The following L3MBTL3 variants were observed in gnomAD, a reference collection of about 807,000 sequenced individuals.
L3MBTL3 encodes the protein lethal(3)malignant brain tumor-like protein 3.
Under a neutral mutation model 102.3 loss-of-function variants are expected in L3MBTL3, and 27 were observed. The observed-to-expected ratio is 0.26, with a 90% CI of 0.19 to 0.36. L3MBTL3 has a LOEUF of 0.36. L3MBTL3 is among the 10% of genes least tolerant of loss of function. L3MBTL3 has a pLI of 1.00. For synonymous variants in L3MBTL3, 340 were observed against 320.9 expected (o/e 1.06, Z -0.64); for missense variants, 798 against 955.3 (o/e 0.84, Z 2.17).
chr6:130,121,506 T>A (rs1786196249), intron 20 of L3MBTL3, among the ~76,000 whole-genome samples: 1 of 152,228 alleles, frequency 6.6e-6, no homozygotes, highest in African/African-American at 2.4e-5. Flanking sequence ...ATATAGTATG[T>A]AATTTTTTAT....
chr6:130,051,535 T>C, intron 6 of L3MBTL3, 127 bp downstream of exon 6: 1 of 836,566 alleles, frequency 1.2e-6, no homozygotes, highest in South Asian at 1.8e-5. Context: ...CAGAGACTTT[T>C]CCTTTAGGGC....
intron 12 of L3MBTL3, among the ~76,000 whole-genome samples, chr6:130,070,124 T>C (rs1442773941): frequency 3.3e-5 from 5 of 152,186 alleles, no homozygotes; most frequent in Non-Finnish European, 5.9e-5. Context: ...TTGTTTTGTT[T>C]TGTTTTGTTT....
intron 13 of L3MBTL3, among the ~76,000 whole-genome samples, chr6:130,077,953 G>A (rs1783064802): frequency 6.6e-6 from 1 of 152,112 alleles, no homozygotes; most frequent in South Asian, 2.1e-4. Context: ...AGTATGACTA[G>A]GAGCAAGGAA....
chr6:130,087,227 G>A (rs1783743092), intron 16 of L3MBTL3, among the ~76,000 whole-genome samples: 1 of 152,006 alleles, frequency 6.6e-6, no homozygotes, highest in Non-Finnish European at 1.5e-5. Context: ...CTATAGAATA[G>A]AAATTTTAAC....
At position 130,139,875 on chromosome 6, in the gene L3MBTL3, G is replaced by T; in HGVS notation, c.*122G>T. 1.2e-6 allele frequency: 1 copy of T among 840,964 alleles called. No individual in the cohort carries two copies. Among genetic ancestry groups the T allele is most frequent in the Non-Finnish European group, 1.9e-6 (1 of 533,674 alleles). The allele number at this position is 840,964 out of a possible 1,614,324, so 52.1% of individuals were successfully genotyped here. On this transcript the variant is annotated 3_prime_UTR_variant, in exon 23 of 23. Transcript: ENST00000361794. ...AAAACTCAAAAGAGCAACACTATCG[G>T]ATTATTTATATTACTCAAGAGACAA...
chr6:130,045,499 G>A (rs1423236074), intron 3 of L3MBTL3, among the ~76,000 whole-genome samples: 1 of 151,874 alleles, frequency 6.6e-6, no homozygotes, highest in African/African-American at 2.4e-5. Flanking sequence ...TTTTTGTCTC[G>A]TCAGTTTACA....
chr6:130,089,430 T>C (rs1358795641), intron 16 of L3MBTL3, among the ~76,000 whole-genome samples: 1 of 151,882 alleles, frequency 6.6e-6, no homozygotes, highest in East Asian at 1.9e-4. Flanking sequence ...TATTCCATGG[T>C]GTATATGTGC....
chr6:130,021,246 G>A (rs1443839342), intron 1 of L3MBTL3, among the ~76,000 whole-genome samples: 1 of 152,238 alleles, frequency 6.6e-6, no homozygotes, highest in Non-Finnish European at 1.5e-5. Context: ...CGTCTTTTAA[G>A]TTCGGAAGGC....
chr6:130,134,691 C>G (rs1230880485), intron 22 of L3MBTL3, among the ~76,000 whole-genome samples: 2 of 152,214 alleles, frequency 1.3e-5, no homozygotes, highest in African/African-American at 4.8e-5. Context: ...AGAAAGTAGA[C>G]TGAGTAATCT....
At chr6:130,094,499 G>A in intron 18 of L3MBTL3, 132 bp downstream of exon 18, 1 of 472,270 alleles carries the variant, frequency 2.1e-6, no homozygotes, top group Non-Finnish European at 3.6e-6. Context: ...TGGTTACCAT[G>A]GTGATCATGT....
At position 130,104,506 on chromosome 6, in the gene L3MBTL3, C is replaced by T. The variant is rs753668916; in HGVS notation, c.1817C>T (p.Pro606Leu). The change falls in exon 19 of 23, where the codon CCG (proline) becomes CTG (leucine). Residue 606 changes from proline to leucine, a missense_variant. This residue lies in a region of L3MBTL3 where 306 missense variants were observed against 314.4 expected (regional missense o/e 0.97). Transcript: ENST00000361794. The stretch of plus-strand genomic sequence containing the variant: ...GACCGCTTAAGTGGTGAGATGCCTC[C>T]GGCTAGTCCGTCATTTCCAAGAAAT... The part of the protein sequence containing the change: ...FPDRLSGEMP[P>L]ASPSFPRNKR... 21 of 1,595,338 alleles carry T rather than the reference C, an allele frequency of 1.3e-5. No individual in the cohort carries two copies. Among genetic ancestry groups the T allele is most frequent in the Admixed American group, 7.0e-5 (4 of 57,320 alleles).
intron 20 of L3MBTL3, among the ~76,000 whole-genome samples, chr6:130,128,374 T>C (rs1786761063): frequency 6.6e-6 from 1 of 152,160 alleles, no homozygotes; most frequent in South Asian, 2.1e-4. Context: ...AGAGCACGTA[T>C]TCCCAACACC....
At chr6:130,080,755 A>G (rs1384417288) in intron 14 of L3MBTL3, among the ~76,000 whole-genome samples, 1 of 152,254 alleles carries the variant, frequency 6.6e-6, no homozygotes, top group Non-Finnish European at 1.5e-5. Flanking sequence ...ACATAATGCC[A>G]TTACAATAGT....
intron 20 of L3MBTL3, among the ~76,000 whole-genome samples, 164 bp downstream of exon 20, chr6:130,121,122 A>G (rs576810023): frequency 6.6e-6 from 1 of 152,276 alleles, no homozygotes; most frequent in South Asian, 2.1e-4. Context: ...GGTTTGTTAC[A>G]TAGGTAAACT....
Position 130,139,652 on chromosome 6 carries a change from A to T in L3MBTL3, c.2242A>T (p.Ile748Phe). The T allele has an allele frequency of 6.2e-7, 1 of 1,613,152 alleles. No homozygotes were observed. Among genetic ancestry groups the T allele is most frequent in the Non-Finnish European group, 8.5e-7 (1 of 1,179,232 alleles). ...ATTTCTACTTATGACTCAAACAGAC[A>T]TTGTTAAAATTATGAGCATTAAACT... ...EAFLLMTQTDIVKIMSIKLGP... is the reference protein window; with the variant it reads ...EAFLLMTQTDFVKIMSIKLGP... The change falls in exon 23 of 23, where the codon ATT (isoleucine) becomes TTT (phenylalanine). Residue 748 changes from isoleucine (I) to phenylalanine (F), a missense_variant. By Grantham distance (21) the Ile-to-Phe change is conservative. Coordinates refer to ENST00000361794, the MANE Select transcript of L3MBTL3 (RefSeq NM_032438.4).
chr6:130,078,674 T>C (rs1024379758), intron 14 of L3MBTL3, 40 bp downstream of exon 14: 1 of 1,358,212 alleles, frequency 7.4e-7, no homozygotes, highest in African/African-American at 1.5e-5. Flanking sequence ...ATTCGTAGAC[T>C]TCAAGAGTAG....
At chr6:130,021,340 ATGT>A (rs1779002267) in intron 1 of L3MBTL3, among the ~76,000 whole-genome samples, 2 of 152,204 alleles carry the variant, frequency 1.3e-5, no homozygotes, top group African/African-American at 2.4e-5. Flanking sequence ...GAGCAGCCAG[ATGT>A]TGTGTGAAAG....
chr6:130,060,195 A>G, intron 10 of L3MBTL3, 55 bp downstream of exon 10: 1 of 1,067,530 alleles, frequency 9.4e-7, no homozygotes, highest in Non-Finnish European at 1.4e-6. Flanking sequence ...ATGGGGATTT[A>G]AAATGAGGAA....
intron 2 of L3MBTL3, among the ~76,000 whole-genome samples, chr6:130,025,785 C>T (rs1779303558): frequency 6.6e-6 from 1 of 152,066 alleles, no homozygotes; most frequent in Non-Finnish European, 1.5e-5. Context: ...TTTTGTGTTC[C>T]ACCAACAGAT....
Sources: allele counts gnomAD v4.1 joint callset (sites outside exome capture counted in the v4.1 genomes callset), GRCh38; gene constraint gnomAD v4.1.1; regional missense constraint gnomAD v4.1.1; transcripts MANE v1.5; gene names NCBI Gene and HGNC (gene_info 2026-07-23, HGNC 2026-07-21).